Variants in PLD5 observed in about 807,000 individuals in gnomAD.
PLD5 encodes phospholipase D family member 5.
In PLD5, 36 loss-of-function variants were observed where a neutral mutation model predicts 61.1. The observed-to-expected ratio is 0.59, with a 90% CI of 0.45 to 0.78. The LOEUF (loss-of-function observed/expected upper bound fraction) is 0.78. Ranked by LOEUF, PLD5 falls within the 30% of genes least tolerant of loss-of-function variation. PLD5 has a pLI of 0.00. For missense variants in PLD5, 515 were observed against 644.4 expected (o/e 0.80, Z 2.17); for synonymous variants, 243 against 242.8 (o/e 1.00, Z -0.01).
chr1:242,287,499 A>T (rs1484172864), intron 3 of PLD5, among the ~76,000 whole-genome samples: 1 of 152,126 alleles, frequency 6.6e-6, no homozygotes, highest in African/African-American at 2.4e-5. Context: ...TTTATTTTCC[A>T]GTAACTTTTG....
At chr1:242,252,425 G>A (rs1269749214) in intron 4 of PLD5, among the ~76,000 whole-genome samples, 1 of 152,192 alleles carries the variant, frequency 6.6e-6, no homozygotes, top group East Asian at 1.9e-4. Flanking sequence ...AAGACAATAT[G>A]TCTCTAGCCA....
chr1:242,159,201 A>C (rs1665634778), intron 5 of PLD5, among the ~76,000 whole-genome samples: 1 of 152,076 alleles, frequency 6.6e-6, no homozygotes, highest in South Asian at 2.1e-4. Context: ...ATAAGAATAT[A>C]TTTCTTTCTT....
At chr1:242,284,857 G>C (rs541543774) in intron 3 of PLD5, among the ~76,000 whole-genome samples, 6 of 152,206 alleles carry the variant, frequency 3.9e-5, no homozygotes, top group Admixed American at 3.3e-4. Flanking sequence ...TCCCAAAGCA[G>C]ATAAAGCCCC....
chr1:242,117,043 T>G (rs1419315494), intron 6 of PLD5, among the ~76,000 whole-genome samples: 2 of 152,220 alleles, frequency 1.3e-5, no homozygotes, highest in Admixed American at 1.3e-4. Flanking sequence ...AGGGATGTTC[T>G]AACATCTTTC....
chr1:242,453,505 T>C (rs890306456), intron 1 of PLD5, among the ~76,000 whole-genome samples: 27 of 152,188 alleles, frequency 1.8e-4, no homozygotes, highest in African/African-American at 6.0e-4. Flanking sequence ...TGAAATGTTT[T>C]TGAGAAGCCC....
intron 5 of PLD5, 140 bp downstream of exon 5, chr1:242,219,848 G>GTGATGTAGTTTT (rs1276120117): frequency 7.2e-6 from 8 of 1,115,946 alleles, no homozygotes; most frequent in Non-Finnish European, 9.8e-6. Context: ...CACATAAAAG[G>GTGATGTAGTTTT]AAGATGAGCC....
intron 5 of PLD5, among the ~76,000 whole-genome samples, chr1:242,215,033 T>C (rs1670071534): frequency 7.1e-6 from 1 of 140,776 alleles, no homozygotes; most frequent in Admixed American, 7.6e-5. Flanking sequence ...CCTGCCACCG[T>C]GCCTGGCCAA....
chr1:242,283,717 G>C (rs1005232557), intron 3 of PLD5, among the ~76,000 whole-genome samples: 3 of 152,046 alleles, frequency 2.0e-5, no homozygotes, highest in East Asian at 3.9e-4. Context: ...ATTTTTGCAC[G>C]CAATAAACCA....
intron 1 of PLD5, among the ~76,000 whole-genome samples, chr1:242,389,353 C>A (rs1388325992): frequency 1.3e-5 from 2 of 152,010 alleles, no homozygotes; most frequent in African/African-American, 4.8e-5. Context: ...CTTAGAATTA[C>A]CCATACTCTG....
At position 242,099,737 on chromosome 1, in the gene PLD5, T is replaced by C. The variant is rs188889092; in HGVS notation, c.1354+931A>G. Among the ~76,000 whole-genome samples, 6 of 152,328 alleles carry C rather than the reference T, an allele frequency of 3.9e-5. No individual in the cohort carries two copies. In the East Asian group the frequency reaches 1.2e-3, roughly 29 times the overall value. On this transcript the variant is annotated intron_variant, in intron 9 of 9. Transcript: ENST00000536534. ...AAATGAATCAAGTGCTTTACAAAGT[T>C]AAAAGGGTACATTTTTTACTCACTG...
chr1:242,097,625 C>A (rs1660352132), intron 9 of PLD5, among the ~76,000 whole-genome samples: 2 of 152,102 alleles, frequency 1.3e-5, no homozygotes, highest in African/African-American at 4.8e-5. Flanking sequence ...TGTTTGAGTT[C>A]TTTGTAGATT....
At chr1:242,181,009 C>A (rs763672912) in intron 5 of PLD5, among the ~76,000 whole-genome samples, 6 of 151,800 alleles carry the variant, frequency 4.0e-5, no homozygotes, top group Non-Finnish European at 5.9e-5. Context: ...AACAAACAAA[C>A]AAAAAAACAC....
intron 2 of PLD5, among the ~76,000 whole-genome samples, chr1:242,342,055 C>T (rs1659864209): frequency 6.6e-6 from 1 of 152,102 alleles, no homozygotes; most frequent in Admixed American, 6.6e-5. Flanking sequence ...AATGTTAGCC[C>T]ACCCAAGACA....
intron 7 of PLD5, among the ~76,000 whole-genome samples, chr1:242,109,408 G>C (rs1346422131): frequency 2.0e-5 from 3 of 152,012 alleles, no homozygotes; most frequent in Non-Finnish European, 4.4e-5. Context: ...AACCCAGGAG[G>C]TGGAGGTTGC....
chr1:242,443,263 G>A (rs906952215), intron 1 of PLD5, among the ~76,000 whole-genome samples: 4 of 152,016 alleles, frequency 2.6e-5, no homozygotes, highest in Non-Finnish European at 5.9e-5. Context: ...AATAAGCACA[G>A]TGGTAAAATA....
At chr1:242,374,565 A>G (rs1661839397) in intron 1 of PLD5, among the ~76,000 whole-genome samples, 1 of 152,168 alleles carries the variant, frequency 6.6e-6, no homozygotes, top group Non-Finnish European at 1.5e-5. Flanking sequence ...TGAAACCTAA[A>G]AATATTACTA....
At position 242,107,671 on chromosome 1, in the gene PLD5, A is replaced by G. The variant is rs765358998; in HGVS notation, c.1239T>C (p.Val413=). Reference sequence around the variant, plus strand: ...ATAACACAGTCAACGTAATACTTACAACTTTCAAACTGCAGTTGGCTATTT... The same window carrying G: ...ATAACACAGTCAACGTAATACTTACGACTTTCAAACTGCAGTTGGCTATTT... ...CTEIANCSLK[V]KFFDLERENA... is the part of the protein sequence containing the mutation. The change falls in exon 8 of 10, where the codon GTT becomes GTC. Residue 413 remains valine (V), a splice_region_variant and synonymous_variant. Coordinates refer to ENST00000536534, the MANE Select transcript of PLD5 (RefSeq NM_001372062.1). 5 of 1,582,368 alleles carry G rather than the reference A, an allele frequency of 3.2e-6. No homozygotes were observed. The East Asian group carries it at 1.1e-4, about 35-fold the overall frequency.
intron 5 of PLD5, among the ~76,000 whole-genome samples, chr1:242,213,024 A>T (rs1468986816): frequency 3.3e-5 from 5 of 152,196 alleles, no homozygotes. Context: ...ATTCCCAAAA[A>T]GTCTGGTAAA....
At chr1:242,470,682 G>A (rs1348995477) in intron 1 of PLD5, among the ~76,000 whole-genome samples, 1 of 152,184 alleles carries the variant, frequency 6.6e-6, no homozygotes, top group Admixed American at 6.5e-5. Context: ...TGAAGGAGAG[G>A]CAAATGTAAT....
Sources: allele counts gnomAD v4.1 joint callset (sites outside exome capture counted in the v4.1 genomes callset), GRCh38; gene constraint gnomAD v4.1.1; transcripts MANE v1.5; gene names NCBI Gene and HGNC (gene_info 2026-07-23, HGNC 2026-07-21).